The following STX18 variants were observed in gnomAD, a reference collection of about 807,000 sequenced individuals.
STX18 encodes the protein syntaxin-18.
A neutral mutation model predicts 50.1 loss-of-function variants in STX18; 40 were observed. The observed-to-expected ratio is 0.80, with a 90% CI of 0.62 to 1.04. The LOEUF (loss-of-function observed/expected upper bound fraction) is 1.04, where lower values mean the gene tolerates loss of function less well. Ranked by LOEUF, STX18 falls within the 50% of genes least tolerant of loss-of-function variation. The pLI is 0.00. For missense variants in STX18, 410 were observed against 415.8 expected, an observed-to-expected ratio of 0.99 and a Z score of 0.12; for synonymous variants, 158 against 151.8, an observed-to-expected ratio of 1.04 and a Z score of -0.30.
At chr4:4,489,391 A>ATTTTTTTTTTTTTGTTT (rs1728840163) in intron 1 of STX18, among the ~76,000 whole-genome samples, 1 of 51,600 alleles carries the variant, frequency 1.9e-5, no homozygotes, top group Non-Finnish European at 3.8e-5. Flanking sequence ...ATGCAAAATA[A>ATTTTTTTTTTTTTGTTT]TTTTTTTTTT....
chr4:4,507,060 T>C (rs1225145413), intron 1 of STX18: 7 of 506,318 alleles, frequency 1.4e-5, no homozygotes, highest in Non-Finnish European at 2.7e-5. Flanking sequence ...CCTAAGCCAG[T>C]GCTCAGCAAG....
intron 7 of STX18, among the ~76,000 whole-genome samples, chr4:4,429,782 A>G (rs530337439): frequency 1.3e-5 from 2 of 152,216 alleles, no homozygotes; most frequent in South Asian, 2.1e-4. Flanking sequence ...TTCAGATTCC[A>G]CCAATCCTTG....
At chr4:4,522,679 G>C (rs573393018) in intron 1 of STX18, among the ~76,000 whole-genome samples, 89 of 152,256 alleles carry the variant, frequency 5.8e-4, no homozygotes, top group African/African-American at 2.1e-3. Context: ...ATGCTATAAA[G>C]TATTAGGAAC....
intron 1 of STX18, among the ~76,000 whole-genome samples, chr4:4,511,744 GTGTGTGTGTGTGTGTGTA>G (rs1272642950): frequency 1.3e-5 from 2 of 150,914 alleles, no homozygotes; most frequent in African/African-American, 4.9e-5. Context: ...GTGTGTGTGT[GTGTGTGTGTGTGTGTGTA>G]TGCCCCTAGG....
chr4:4,480,668 T>C (rs1266266664), intron 1 of STX18, among the ~76,000 whole-genome samples: 2 of 152,228 alleles, frequency 1.3e-5, no homozygotes, highest in African/African-American at 4.8e-5. Flanking sequence ...ACTTTTTGAA[T>C]TGATTTTCTA....
At chr4:4,496,694 GA>G (rs2108871672) in intron 1 of STX18, among the ~76,000 whole-genome samples, 1 of 152,314 alleles carries the variant, frequency 6.6e-6, no homozygotes, top group East Asian at 1.9e-4. Flanking sequence ...ACTGTGGGTA[GA>G]AAGGTTGACA....
At position 4,507,199 on chromosome 4, in the gene STX18, C is replaced by G. The variant is rs1464704927; in HGVS notation, c.168+34598G>C. ...ACTCCCTCTTGATGCTCAGCAGCAG[C>G]TCTCAGTCAGCCATGCAATTATGAG... On this transcript the variant is annotated intron_variant, in intron 1 of 10. Coordinates refer to ENST00000306200, the MANE Select transcript of STX18 (RefSeq NM_016930.4). The G allele has an allele frequency of 6.7e-6, 4 of 593,222 alleles. No homozygotes were observed. The East Asian group carries it at 1.5e-4, about 22-fold the overall frequency. The allele number at this position is 593,222 out of a possible 1,614,324, so 36.7% of individuals were successfully genotyped here.
At chr4:4,438,771 G>A (rs1725928055) in intron 5 of STX18, among the ~76,000 whole-genome samples, 1 of 151,988 alleles carries the variant, frequency 6.6e-6, no homozygotes, top group Non-Finnish European at 1.5e-5. Flanking sequence ...GGGGGAGGCT[G>A]CAGTTGGTAT....
At chr4:4,431,201 G>A (rs1725500957) in intron 7 of STX18, among the ~76,000 whole-genome samples, 1 of 151,822 alleles carries the variant, frequency 6.6e-6, no homozygotes, top group African/African-American at 2.4e-5. Context: ...GAAAAAAAAA[G>A]CCCAACACAG....
chr4:4,470,409 T>C (rs1727852924), intron 2 of STX18, among the ~76,000 whole-genome samples: 1 of 152,200 alleles, frequency 6.6e-6, no homozygotes, highest in Non-Finnish European at 1.5e-5. Flanking sequence ...TCATGGACTT[T>C]AGGACTAGGA....
chr4:4,539,369 A>C (rs1422337331), intron 1 of STX18, among the ~76,000 whole-genome samples: 1 of 152,222 alleles, frequency 6.6e-6, no homozygotes. Context: ...CAAACAAAAT[A>C]ACAGCCAAAC....
At chr4:4,498,401 A>G (rs998829177) in intron 1 of STX18, among the ~76,000 whole-genome samples, 1 of 152,182 alleles carries the variant, frequency 6.6e-6, no homozygotes, top group Non-Finnish European at 1.5e-5. Flanking sequence ...TAGACTTACT[A>G]TATCTTAAAA....
At chr4:4,443,546 T>G (rs888587166) in intron 5 of STX18, among the ~76,000 whole-genome samples, 1 of 152,226 alleles carries the variant, frequency 6.6e-6, no homozygotes, top group African/African-American at 2.4e-5. Flanking sequence ...TACAAAATCA[T>G]TTTATGAGGC....
At chr4:4,536,991 C>A (rs1351857835) in intron 1 of STX18, among the ~76,000 whole-genome samples, 1 of 152,174 alleles carries the variant, frequency 6.6e-6, no homozygotes, top group Non-Finnish European at 1.5e-5. Context: ...CATGAGCAGC[C>A]CACTTACTGG....
chr4:4,525,372 T>C (rs1042651150), intron 1 of STX18, among the ~76,000 whole-genome samples: 12 of 152,222 alleles, frequency 7.9e-5, no homozygotes, highest in Admixed American at 3.9e-4. Context: ...GAGGGAGAAC[T>C]GTTAATGATG....
intron 5 of STX18, among the ~76,000 whole-genome samples, chr4:4,439,581 ACACACACACACCCC>A (rs139523529): frequency 0.048 from 6,654 of 139,324 alleles, 268 homozygotes; most frequent in African/African-American, 0.11. Flanking sequence ...CCATATATAT[ACACACACACACCCC>A]CACACACATA....
At position 4,431,827 on chromosome 4, in the gene STX18, T is replaced by G. The variant is rs548641345; in HGVS notation, c.702+2943A>C. Among the ~76,000 whole-genome samples, 64 of 152,186 alleles carry G rather than the reference T, an allele frequency of 4.2e-4. 1 individual carries two copies. In the South Asian group the frequency reaches 0.013, roughly 31 times the overall value. On this transcript the variant is annotated intron_variant, in intron 7 of 10. Coordinates refer to ENST00000306200, the MANE Select transcript of STX18 (RefSeq NM_016930.4). ...TTTCCTACACCACAGCTCTCAACAC[T>G]ACCTTCACTGCCACTCCCGGCTCAA...
At position 4,438,501 on chromosome 4, in the gene STX18, A is replaced by G. The variant is rs1432767852; in HGVS notation, c.506T>C (p.Leu169Pro). 2 of 1,607,292 alleles carry G rather than the reference A, an allele frequency of 1.2e-6. No individual in the cohort carries two copies. The highest frequency in any genetic ancestry group is 1.3e-5 in the African/African-American group (1 of 74,428). Reference sequence around the variant, plus strand: ...TGTCTTTGTATTTGGTTCTGGTTCCAGCTTAGATCTAAAAATAAATAATTA... The same window carrying G: ...TGTCTTTGTATTTGGTTCTGGTTCCGGCTTAGATCTAAAAATAAATAATTA... ...RVVDKKRLSK[L>P]EPEPNTKTRE... The change falls in exon 6 of 11, where the codon CTG becomes CCG. Residue 169 changes from leucine to proline, a missense_variant. Leu to Pro is a moderately conservative substitution (Grantham distance 98). Coordinates refer to ENST00000306200, the MANE Select transcript of STX18 (RefSeq NM_016930.4).
intron 1 of STX18, among the ~76,000 whole-genome samples, chr4:4,537,027 C>T (rs1731373290): frequency 6.6e-6 from 1 of 152,204 alleles, no homozygotes; most frequent in Non-Finnish European, 1.5e-5. Flanking sequence ...AACATGGGTT[C>T]CTGCTTTCCT....
Sources: gnomAD v4.1 joint callset for allele counts (sites outside exome capture counted in the v4.1 genomes callset) on GRCh38, gnomAD v4.1.1 for gene constraint, MANE v1.5 for transcripts, NCBI Gene and HGNC (gene_info 2026-07-23, HGNC 2026-07-21) for gene names.